The following LAPTM5 variants were observed in gnomAD, a reference collection of about 807,000 sequenced individuals.
LAPTM5 encodes the protein lysosomal protein transmembrane 5, also known as lysosomal-associated transmembrane protein 5.
A neutral mutation model predicts 30.1 loss-of-function variants in LAPTM5; 11 were observed. That is an observed-to-expected ratio of 0.37 (90% CI 0.23 to 0.60). The LOEUF (loss-of-function observed/expected upper bound fraction) is 0.60, where lower values mean the gene tolerates loss of function less well. Ranked by LOEUF, LAPTM5 falls within the 20% of genes least tolerant of loss-of-function variation. LAPTM5 has a pLI of 0.71. For synonymous variants in LAPTM5, 151 were observed against 137.9 expected (o/e 1.10, Z -0.67); for missense variants, 324 against 332.5 (o/e 0.97, Z 0.20).
intron 6 of LAPTM5, among the ~76,000 whole-genome samples, chr1:30,736,545 C>T (rs1389736607): frequency 5.9e-5 from 9 of 152,052 alleles, no homozygotes; most frequent in Non-Finnish European, 7.4e-5. Flanking sequence ...GCGATCCTCC[C>T]GCTTCAGCCT....
At position 30,749,314 on chromosome 1, in the gene LAPTM5, A is replaced by G. The variant is rs75819954; in HGVS notation, c.88-6765T>C. 2.8e-3 allele frequency among the ~76,000 whole-genome samples: 423 copies of G among 152,298 alleles called. 16 individuals are homozygous for G. In the East Asian group the frequency reaches 0.066, roughly 24 times the overall value. On this transcript the variant is annotated intron_variant, in intron 1 of 7. Transcript: ENST00000294507. The stretch of plus-strand genomic sequence containing the variant: ...GTATGTATTATAGAACTACATAGAC[A>G]GGCAGAAGTCAGTGGGGGCGGGGCA...
Position 30,739,130 on chromosome 1 carries a change from C to A in LAPTM5, c.388-68G>T. Reference sequence around the variant, plus strand: ...TTAAAGTCCCAGTTACTGAGCGGCACATAGTAGGCCCTCACTTGAGAGACC... The same window carrying A: ...TTAAAGTCCCAGTTACTGAGCGGCAAATAGTAGGCCCTCACTTGAGAGACC... On this transcript the variant is annotated intron_variant, in intron 4 of 7. Coordinates refer to ENST00000294507, the MANE Select transcript of LAPTM5 (RefSeq NM_006762.3). The surrounding 1 kb of genome is among the most constrained non-coding windows in gnomAD (Gnocchi z 4.2). 6.5e-7 allele frequency: 1 copy of A among 1,532,250 alleles called. No individual in the cohort carries two copies. The highest frequency in any genetic ancestry group is 8.8e-7 in the Non-Finnish European group (1 of 1,134,454). 94.9% of individuals were successfully genotyped at this position (1,532,250 alleles called of 1,614,324 possible).
At chr1:30,741,818 G>T in intron 2 of LAPTM5, 102 bp from the exon 3 acceptor site, 1 of 781,500 alleles carries the variant, frequency 1.3e-6, no homozygotes, top group Non-Finnish European at 2.0e-6. Context: ...GGGACATGAG[G>T]ATGCACAGGA....
Position 30,733,392 on chromosome 1 carries a change from A to T in LAPTM5, c.*436T>A. The T allele has an allele frequency of 2.0e-6, 1 of 498,372 alleles. No homozygotes were observed. The highest frequency in any genetic ancestry group is 3.1e-6 in the Non-Finnish European group (1 of 323,034). The allele number at this position is 498,372 out of a possible 1,614,324, so 30.9% of individuals were successfully genotyped here. On this transcript the variant is annotated 3_prime_UTR_variant, in exon 8 of 8. Transcript: ENST00000294507. ...TTAATGATTACTTGATTAAATTGCT[A>T]TGTGAACTGACAACTATTTATAAAT...
rs942823690 is a variant in LAPTM5 at position 30,733,535 on chromosome 1, C to G, written c.*293G>C. On this transcript the variant is annotated 3_prime_UTR_variant, in exon 8 of 8. Transcript: ENST00000294507. ...GATAGTTGCTTGACAAACTCACCAACTTTAGAATGGCCAATCGTCTAAACA... is the reference window on the plus strand; with the variant it reads ...GATAGTTGCTTGACAAACTCACCAAGTTTAGAATGGCCAATCGTCTAAACA... The G allele has an allele frequency of 6.8e-7, 1 of 1,460,158 alleles. No homozygotes were observed. Among genetic ancestry groups the G allele is most frequent in the Admixed American group, 2.1e-5 (1 of 48,354 alleles). 90.5% of individuals were successfully genotyped at this position (1,460,158 alleles called of 1,614,324 possible). A position where few individuals can be genotyped will look rare whatever the true frequency, so the allele number is the denominator to read the frequency against.
In LAPTM5 at chr1:30,733,753, G is replaced by A. The variant is rs1639847737; in HGVS notation, c.*75C>T. The A allele has an allele frequency of 1.9e-6, 3 of 1,543,048 alleles. No individual in the cohort carries two copies. Among genetic ancestry groups the A allele is most frequent in the South Asian group, 2.4e-5 (2 of 84,184 alleles). ...GCGGGAGGGCCCACCCAGGCCACAGGGGCCACCAAAGCAAAAAAGCAGATT... is the reference window on the plus strand; with the variant it reads ...GCGGGAGGGCCCACCCAGGCCACAGAGGCCACCAAAGCAAAAAAGCAGATT... On this transcript the variant is annotated 3_prime_UTR_variant, in exon 8 of 8. Transcript: ENST00000294507.
At chr1:30,753,118 T>C (rs1036855141) in intron 1 of LAPTM5, among the ~76,000 whole-genome samples, 1 of 151,980 alleles carries the variant, frequency 6.6e-6, no homozygotes, top group East Asian at 1.9e-4. Context: ...AGTAGTATAC[T>C]TGAGCCACAA....
intron 1 of LAPTM5, among the ~76,000 whole-genome samples, chr1:30,754,721 G>A (rs1640184656): frequency 6.6e-6 from 1 of 152,210 alleles, no homozygotes. Flanking sequence ...AGATGCCCGA[G>A]CCCAAAGCTA....
At chr1:30,743,907 G>A (rs1640008650) in intron 1 of LAPTM5, among the ~76,000 whole-genome samples, 1 of 149,896 alleles carries the variant, frequency 6.7e-6, no homozygotes, top group Non-Finnish European at 1.5e-5. Context: ...GTGATGAAGA[G>A]CTGGGCTCCA....
chr1:30,737,551 C>T (rs1639905458), intron 6 of LAPTM5, 53 bp downstream of exon 6: 2 of 1,375,200 alleles, frequency 1.5e-6, no homozygotes, highest in South Asian at 1.2e-5. Flanking sequence ...CAGGCCTGGG[C>T]CCAGCACAGC....
chr1:30,734,098 G>A (rs930085723), intron 7 of LAPTM5, among the ~76,000 whole-genome samples, 181 bp from the exon 8 acceptor site: 3 of 152,230 alleles, frequency 2.0e-5, no homozygotes, highest in African/African-American at 7.2e-5. Flanking sequence ...TCCCAGCCCT[G>A]TAGTGGACAT....
intron 1 of LAPTM5, among the ~76,000 whole-genome samples, chr1:30,743,096 C>G (rs989625124): frequency 6.6e-6 from 1 of 152,228 alleles, no homozygotes; most frequent in African/African-American, 2.4e-5. Flanking sequence ...AACCCTGAAT[C>G]TCTGTCTCCC....
chr1:30,744,828 T>C (rs1569863735), intron 1 of LAPTM5, among the ~76,000 whole-genome samples: 1 of 152,228 alleles, frequency 6.6e-6, no homozygotes, highest in African/African-American at 2.4e-5. Flanking sequence ...CATGCATCTA[T>C]GTCAGTAAAA....
chr1:30,752,339 C>T (rs1640149044), intron 1 of LAPTM5, among the ~76,000 whole-genome samples: 1 of 152,204 alleles, frequency 6.6e-6, no homozygotes, highest in East Asian at 1.9e-4. Flanking sequence ...CTTCTTAGCT[C>T]TGAAGCTTGT....
intron 1 of LAPTM5, among the ~76,000 whole-genome samples, chr1:30,754,329 T>C (rs1640179618): frequency 6.6e-6 from 1 of 152,064 alleles, no homozygotes; most frequent in African/African-American, 2.4e-5. Context: ...GCCAAGGGTT[T>C]GAGACCAGCC....
chr1:30,741,424 G>A (rs757432928), intron 3 of LAPTM5, among the ~76,000 whole-genome samples: 8 of 152,208 alleles, frequency 5.3e-5, no homozygotes, highest in South Asian at 2.1e-4. Context: ...GCCCGGCCCC[G>A]TGGAGGCTCA....
At chr1:30,750,694 G>C (rs928752193) in intron 1 of LAPTM5, among the ~76,000 whole-genome samples, 8 of 152,264 alleles carry the variant, frequency 5.3e-5, no homozygotes, top group Admixed American at 3.9e-4. Flanking sequence ...CCTCCACCTG[G>C]AGCAGACACC....
intron 2 of LAPTM5, chr1:30,741,928 T>C: frequency 4.6e-6 from 2 of 435,884 alleles, no homozygotes; most frequent in South Asian, 5.4e-5. Context: ...CAGAGGGTGC[T>C]GGGCTGGAGG....
rs1487861681 is a variant in LAPTM5 at position 30,746,764 on chromosome 1, A to G, written c.88-4215T>C. ...GCTCTGCACCCTTGAGCCAGCCACTAACCTCTCTGGGCCTCGGCTCCTCAT... is the reference window on the plus strand; with the variant it reads ...GCTCTGCACCCTTGAGCCAGCCACTGACCTCTCTGGGCCTCGGCTCCTCAT... On this transcript the variant is annotated intron_variant, in intron 1 of 7. Coordinates refer to ENST00000294507, the MANE Select transcript of LAPTM5 (RefSeq NM_006762.3). This position sits in a 1 kb window ranked among gnomAD's most constrained non-coding sequence, Gnocchi z 4.0. Among the ~76,000 whole-genome samples the G allele has an allele frequency of 2.0e-5, 3 of 152,204 alleles. No individual in the cohort carries two copies. Among genetic ancestry groups the G allele is most frequent in the African/African-American group, 7.2e-5 (3 of 41,460 alleles).
Sources: allele counts gnomAD v4.1 joint callset (sites outside exome capture counted in the v4.1 genomes callset), GRCh38; gene constraint gnomAD v4.1.1; non-coding constraint Gnocchi (gnomAD v3.1); transcripts MANE v1.5; gene names NCBI Gene and HGNC (gene_info 2026-07-23, HGNC 2026-07-21).